The following ST6GALNAC3 variants were observed in gnomAD, a reference collection of about 807,000 sequenced individuals.
The protein encoded by ST6GALNAC3 is ST6 N-acetylgalactosaminide alpha-2,6-sialyltransferase 3.
A neutral mutation model predicts 32.7 loss-of-function variants in ST6GALNAC3; 25 were observed. The ratio of observed to expected loss-of-function variants is 0.76; its 90% CI spans 0.56 to 1.07. The LOEUF (loss-of-function observed/expected upper bound fraction) is 1.07. Among genes scored for constraint, ST6GALNAC3 ranks in the 50% least tolerant of loss-of-function variants. The probability of loss-of-function intolerance (pLI) is 0.00; values close to 1 mark genes in which losing one functional copy is unlikely to be tolerated. For missense variants in ST6GALNAC3, 355 were observed against 382.4 expected (o/e 0.93, Z 0.60); for synonymous variants, 129 against 133.1 (o/e 0.97, Z 0.21).
At chr1:76,600,645 T>G (rs1282883588) in intron 3 of ST6GALNAC3, among the ~76,000 whole-genome samples, 1 of 152,186 alleles carries the variant, frequency 6.6e-6, no homozygotes, top group Non-Finnish European at 1.5e-5. Flanking sequence ...TGAGAGTGCA[T>G]TGTGCTATGT....
chr1:76,154,766 G>A (rs995585997), intron 1 of ST6GALNAC3, among the ~76,000 whole-genome samples: 4 of 152,126 alleles, frequency 2.6e-5, no homozygotes, highest in Non-Finnish European at 4.4e-5. Context: ...CCTGACAGGA[G>A]ATTTTCTATT....
intron 3 of ST6GALNAC3, among the ~76,000 whole-genome samples, chr1:76,483,806 G>T (rs1355013159): frequency 1.3e-5 from 2 of 152,066 alleles, no homozygotes; most frequent in East Asian, 1.9e-4. Flanking sequence ...CATGCCTATG[G>T]CCTGAATGGT....
chr1:76,586,792 A>C (rs1044665342), intron 3 of ST6GALNAC3, among the ~76,000 whole-genome samples: 1 of 152,212 alleles, frequency 6.6e-6, no homozygotes, highest in Non-Finnish European at 1.5e-5. Context: ...GTCAGTGAAC[A>C]GGAATAAAAA....
chr1:76,297,944 G>C (rs78506642), intron 1 of ST6GALNAC3, among the ~76,000 whole-genome samples: 5,572 of 151,896 alleles, frequency 0.037, 326 homozygotes, highest in African/African-American at 0.13. Flanking sequence ...AAAGTTTCTA[G>C]GGTTGTACAA....
At chr1:76,620,683 TA>T (rs1480193809) in intron 3 of ST6GALNAC3, among the ~76,000 whole-genome samples, 1 of 152,034 alleles carries the variant, frequency 6.6e-6, no homozygotes, top group Non-Finnish European at 1.5e-5. Context: ...TAATCTCATG[TA>T]AAGCTAATTA....
At chr1:76,124,046 C>T (rs899265768) in intron 1 of ST6GALNAC3, among the ~76,000 whole-genome samples, 4 of 152,106 alleles carry the variant, frequency 2.6e-5, no homozygotes, top group African/African-American at 9.7e-5. Context: ...CCACCATGCC[C>T]GGCCTCATTT....
At chr1:76,229,739 G>A (rs554496145) in intron 1 of ST6GALNAC3, among the ~76,000 whole-genome samples, 1 of 152,268 alleles carries the variant, frequency 6.6e-6, no homozygotes, top group Non-Finnish European at 1.5e-5. Flanking sequence ...GGGGGCTGTG[G>A]CTGACCTGTG....
chr1:76,554,370 T>C (rs1664798383), intron 3 of ST6GALNAC3, among the ~76,000 whole-genome samples: 1 of 152,148 alleles, frequency 6.6e-6, no homozygotes, highest in South Asian at 2.1e-4. Context: ...ACTTCTGCTA[T>C]GGGGAGGGGA....
At chr1:76,238,128 T>C (rs989746213) in intron 1 of ST6GALNAC3, among the ~76,000 whole-genome samples, 15 of 152,348 alleles carry the variant, frequency 9.8e-5, no homozygotes, top group Admixed American at 3.3e-4. Context: ...TGGCAATGCC[T>C]TTCCCTTGCA....
intron 1 of ST6GALNAC3, among the ~76,000 whole-genome samples, chr1:76,288,852 C>T (rs1659921212): frequency 6.6e-6 from 1 of 152,042 alleles, no homozygotes; most frequent in Non-Finnish European, 1.5e-5. Context: ...GAAAAGATAC[C>T]CACCGACCCA....
chr1:76,576,856 C>A, intron 3 of ST6GALNAC3: 1 of 1,304,854 alleles, frequency 7.7e-7, no homozygotes, highest in South Asian at 1.2e-5. Context: ...TACAGAGTGA[C>A]CATGCAGTGT....
At chr1:76,099,540 A>C (rs546451859) in intron 1 of ST6GALNAC3, among the ~76,000 whole-genome samples, 1 of 151,764 alleles carries the variant, frequency 6.6e-6, no homozygotes, top group East Asian at 1.9e-4. Context: ...ATGAATCTCC[A>C]AAACATTACA....
chr1:76,498,460 A>C (rs1660989516), intron 3 of ST6GALNAC3, among the ~76,000 whole-genome samples: 1 of 152,156 alleles, frequency 6.6e-6, no homozygotes, highest in Non-Finnish European at 1.5e-5. Flanking sequence ...GCTTATGGTG[A>C]CTGGGATGGT....
chr1:76,352,148 C>T (rs1649033361), intron 2 of ST6GALNAC3, among the ~76,000 whole-genome samples: 1 of 152,000 alleles, frequency 6.6e-6, no homozygotes. Flanking sequence ...GTTTGAATAC[C>T]ACCATTGATT....
intron 1 of ST6GALNAC3, chr1:76,142,794 G>A (rs1035684373): frequency 2.2e-5 from 10 of 448,778 alleles, no homozygotes; most frequent in Admixed American, 1.9e-4. Flanking sequence ...TGCTGGTAGA[G>A]GCCCCGCTTC....
intron 3 of ST6GALNAC3, among the ~76,000 whole-genome samples, chr1:76,478,832 G>A (rs1438696966): frequency 7.7e-6 from 1 of 129,762 alleles, no homozygotes; most frequent in Non-Finnish European, 1.5e-5. Context: ...GCTCGATCTT[G>A]GCTCACTGTA....
At chr1:76,416,483 G>T (rs545430813) in intron 3 of ST6GALNAC3, among the ~76,000 whole-genome samples, 2 of 152,102 alleles carry the variant, frequency 1.3e-5, no homozygotes, top group South Asian at 2.1e-4. Context: ...AGTGATTCAT[G>T]ATAGGAAAAT....
intron 3 of ST6GALNAC3, among the ~76,000 whole-genome samples, chr1:76,517,998 AAT>A (rs1254545162): frequency 6.6e-6 from 1 of 152,028 alleles, no homozygotes; most frequent in Non-Finnish European, 1.5e-5. Flanking sequence ...AACTATTAAA[AAT>A]AAGTCATTTT....
chr1:76,439,858 T>C (rs1656418119), intron 3 of ST6GALNAC3, among the ~76,000 whole-genome samples: 1 of 152,188 alleles, frequency 6.6e-6, no homozygotes, highest in Admixed American at 6.5e-5. Context: ...CAGCTTCCAC[T>C]TACCATCAGT....
Sources: allele counts gnomAD v4.1 joint callset (sites outside exome capture counted in the v4.1 genomes callset), GRCh38; gene constraint gnomAD v4.1.1; transcripts MANE v1.5; gene names NCBI Gene and HGNC (gene_info 2026-07-23, HGNC 2026-07-21).